RBFOX1: variants seen among roughly 807,000 people sequenced by gnomAD.
The protein encoded by RBFOX1 is RNA binding fox-1 homolog 1, also known as RNA binding protein fox-1 homolog 1.
RBFOX1 carries 8 observed loss-of-function variants against 57.7 expected under a neutral mutation model. The observed-to-expected ratio is 0.14, with a 90% CI of 0.08 to 0.25. The LOEUF is 0.25. Among genes scored for constraint, RBFOX1 ranks in the 10% least tolerant of loss-of-function variants. The pLI, the probability that RBFOX1 is intolerant of heterozygous loss-of-function variation, is 1.00. For missense variants in RBFOX1, 611 were observed against 548.5 expected, an observed-to-expected ratio of 1.11 and a Z score of -1.14; for synonymous variants, 326 against 222.4, an observed-to-expected ratio of 1.47 and a Z score of -4.15.
At chr16:5,245,180 G>A (rs1457242483) in intron 1 of RBFOX1, among the ~76,000 whole-genome samples, 3 of 152,214 alleles carry the variant, frequency 2.0e-5, no homozygotes. Context: ...TGGTGTTGAT[G>A]TGTGGAGTCC....
chr16:7,462,926 C>T (rs1197116015), intron 4 of RBFOX1, among the ~76,000 whole-genome samples: 1 of 152,198 alleles, frequency 6.6e-6, no homozygotes, highest in African/African-American at 2.4e-5. Flanking sequence ...CTGGGCCCAC[C>T]CAGGTAGTTC....
At chr16:7,026,644 G>A (rs1195415499) in intron 3 of RBFOX1, among the ~76,000 whole-genome samples, 1 of 152,108 alleles carries the variant, frequency 6.6e-6, no homozygotes, top group Non-Finnish European at 1.5e-5. Flanking sequence ...CCCTGGTCAG[G>A]ATCCAGCTGA....
At chr16:7,447,885 A>C (rs370094098) in intron 4 of RBFOX1, among the ~76,000 whole-genome samples, 23 of 152,242 alleles carry the variant, frequency 1.5e-4, no homozygotes, top group African/African-American at 5.5e-4. Flanking sequence ...CTGTATCAGC[A>C]TCAACCCCCT....
At chr16:5,682,505 G>T (rs960124412) in intron 3 of RBFOX1, among the ~76,000 whole-genome samples, 1 of 152,198 alleles carries the variant, frequency 6.6e-6, no homozygotes, top group Non-Finnish European at 1.5e-5. Flanking sequence ...ACTTTCGGTG[G>T]AAGAGATGAC....
At chr16:7,357,577 T>C (rs1033985998) in intron 4 of RBFOX1, among the ~76,000 whole-genome samples, 1 of 152,184 alleles carries the variant, frequency 6.6e-6, no homozygotes, top group African/African-American at 2.4e-5. Context: ...CTGCATACAT[T>C]TTGAGCCCTA....
intron 1 of RBFOX1, among the ~76,000 whole-genome samples, chr16:6,311,406 C>A (rs188194947): frequency 6.6e-6 from 1 of 151,296 alleles, no homozygotes; most frequent in Non-Finnish European, 1.5e-5. Context: ...CTTTGGGGAA[C>A]GCTCATCACA....
At chr16:7,036,346 C>T (rs1275679892) in intron 3 of RBFOX1, among the ~76,000 whole-genome samples, 1 of 152,078 alleles carries the variant, frequency 6.6e-6, no homozygotes. Flanking sequence ...TCTTGGTTTT[C>T]TACCGCTGTG....
intron 4 of RBFOX1, among the ~76,000 whole-genome samples, chr16:7,464,688 C>CTTTTTTTTTTTTTTTTTT (rs57553411): frequency 1.6e-5 from 1 of 62,232 alleles, no homozygotes; most frequent in Non-Finnish European, 2.6e-5. Context: ...TATTGTCTGT[C>CTTTTTTTTTTTTTTTTTT]TTTTTTTTTT....
At chr16:6,082,852 C>T (rs1462187577) in intron 1 of RBFOX1, among the ~76,000 whole-genome samples, 1 of 152,086 alleles carries the variant, frequency 6.6e-6, no homozygotes, top group Admixed American at 6.6e-5. Context: ...GACCCAATAG[C>T]CCAGATCCCA....
chr16:6,297,282 A>G (rs545064904), intron 1 of RBFOX1, among the ~76,000 whole-genome samples: 265 of 152,246 alleles, frequency 1.7e-3, no homozygotes, highest in African/African-American at 6.2e-3. Flanking sequence ...CTGTCTGGGA[A>G]TGCAGCCCAG....
chr16:5,857,410 T>G (rs1283461754), intron 3 of RBFOX1, among the ~76,000 whole-genome samples: 1 of 151,940 alleles, frequency 6.6e-6, no homozygotes, highest in Non-Finnish European at 1.5e-5. Context: ...ATACACACAC[T>G]GTTGGGAAAA....
At chr16:7,701,954 G>A (rs1432862456) in intron 14 of RBFOX1, among the ~76,000 whole-genome samples, 2 of 152,152 alleles carry the variant, frequency 1.3e-5, no homozygotes, top group East Asian at 1.9e-4. Flanking sequence ...CTGAGGTTCT[G>A]GAAACCCTCT....
intron 3 of RBFOX1, among the ~76,000 whole-genome samples, chr16:6,833,926 G>C (rs939610154): frequency 6.6e-6 from 1 of 152,094 alleles, no homozygotes; most frequent in Admixed American, 6.5e-5. Context: ...ACAGATGAGT[G>C]TGTCCAGAGT....
intron 4 of RBFOX1, among the ~76,000 whole-genome samples, chr16:5,998,201 C>T (rs1485349179): frequency 6.6e-6 from 1 of 152,220 alleles, no homozygotes; most frequent in African/African-American, 2.4e-5. Flanking sequence ...GGGGAAAATT[C>T]ATGAACATAC....
chr16:7,160,206 T>C (rs1037012835), intron 4 of RBFOX1, among the ~76,000 whole-genome samples: 1 of 151,962 alleles, frequency 6.6e-6, no homozygotes, highest in African/African-American at 2.4e-5. Flanking sequence ...TTTTTTTTTT[T>C]AATAAAGTAC....
chr16:5,814,247 CTG>C (rs1386606588), intron 3 of RBFOX1, among the ~76,000 whole-genome samples: 1 of 152,152 alleles, frequency 6.6e-6, no homozygotes, highest in African/African-American at 2.4e-5. Flanking sequence ...CTTTGGGAAA[CTG>C]TATCACTGTT....
At chr16:5,614,866 G>C (rs552294449) in intron 3 of RBFOX1, among the ~76,000 whole-genome samples, 1 of 152,178 alleles carries the variant, frequency 6.6e-6, no homozygotes, top group Non-Finnish European at 1.5e-5. Context: ...GTGCACACCC[G>C]TTGACTTACA....
At chr16:7,462,788 C>T (rs2059814147) in intron 4 of RBFOX1, among the ~76,000 whole-genome samples, 1 of 152,206 alleles carries the variant, frequency 6.6e-6, no homozygotes, top group South Asian at 2.1e-4. Context: ...CGTATTCCTT[C>T]TCCTGCTGTC....
intron 4 of RBFOX1, among the ~76,000 whole-genome samples, chr16:7,449,156 C>T (rs986395466): frequency 1.4e-4 from 21 of 151,908 alleles, no homozygotes; most frequent in African/African-American, 4.1e-4. Flanking sequence ...CTCGAACTCC[C>T]GACTTCAGGT....
Sources: gnomAD v4.1 joint callset for allele counts (sites outside exome capture counted in the v4.1 genomes callset) on GRCh38, gnomAD v4.1.1 for gene constraint, MANE v1.5 for transcripts, NCBI Gene and HGNC (gene_info 2026-07-23, HGNC 2026-07-21) for gene names.